Variants in PTPRD observed in about 807,000 individuals in gnomAD.
PTPRD encodes protein tyrosine phosphatase receptor type D, also known as receptor-type tyrosine-protein phosphatase delta.
Under a neutral mutation model 214.5 loss-of-function variants are expected in PTPRD, and 34 were observed. The observed-to-expected ratio is 0.16, with a 90% CI of 0.12 to 0.21. The LOEUF (loss-of-function observed/expected upper bound fraction) is 0.21. Among genes scored for constraint, PTPRD ranks in the 10% least tolerant of loss-of-function variants. PTPRD has a pLI of 1.00. For missense variants in PTPRD, 2,545 were observed against 2,398.7 expected (o/e 1.06, Z -1.27); for synonymous variants, 1,128 against 845.7 (o/e 1.33, Z -5.79).
At chr9:8,568,647 A>T (rs979906468) in intron 14 of PTPRD, among the ~76,000 whole-genome samples, 1 of 152,158 alleles carries the variant, frequency 6.6e-6, no homozygotes, top group African/African-American at 2.4e-5. Context: ...TCACTATTAG[A>T]CAGCCTAGAT....
chr9:10,056,098 G>A (rs1030648478), intron 3 of PTPRD, among the ~76,000 whole-genome samples: 18 of 151,672 alleles, frequency 1.2e-4, no homozygotes, highest in Admixed American at 2.6e-4. Context: ...CGAGGTGAGC[G>A]GACCATGAGG....
At position 8,317,741 on chromosome 9, in the gene PTPRD, G is replaced by A; in HGVS notation, c.*133C>T. 1.5e-6 allele frequency: 1 copy of A among 673,664 alleles called. No homozygotes were observed. The highest frequency in any genetic ancestry group is 2.6e-6 in the Non-Finnish European group (1 of 382,852). 41.7% of individuals were successfully genotyped at this position (673,664 alleles called of 1,614,324 possible). ...GAATAATTTGTTTTTAATTTGTTTT[G>A]TGTGTAATAGTCCCACTAAGTAGTT... On this transcript the variant is annotated 3_prime_UTR_variant, in exon 46 of 46. Transcript: ENST00000381196.
intron 10 of PTPRD, among the ~76,000 whole-genome samples, chr9:9,085,506 A>C (rs2099765772): frequency 6.6e-6 from 1 of 152,130 alleles, no homozygotes. Context: ...ATTTTTCAGG[A>C]AGAATAAGAT....
intron 12 of PTPRD, among the ~76,000 whole-genome samples, chr9:8,667,508 C>T (rs978020264): frequency 6.6e-6 from 1 of 151,908 alleles, no homozygotes; most frequent in Non-Finnish European, 1.5e-5. Context: ...GACATGACAC[C>T]GAAAGTGAAA....
chr9:10,508,327 AAC>A (rs2046774534), intron 2 of PTPRD, among the ~76,000 whole-genome samples: 1 of 152,142 alleles, frequency 6.6e-6, no homozygotes, highest in South Asian at 2.1e-4. Flanking sequence ...GAGAAATAGG[AAC>A]ACTTTTACAC....
intron 36 of PTPRD, among the ~76,000 whole-genome samples, chr9:8,392,700 C>A (rs571762661): frequency 3.3e-5 from 5 of 152,256 alleles, no homozygotes; most frequent in African/African-American, 1.2e-4. Flanking sequence ...AAGCCTCCTT[C>A]TGGCAAATCT....
chr9:9,794,186 CAT>C (rs911684466), intron 5 of PTPRD, among the ~76,000 whole-genome samples: 12 of 146,344 alleles, frequency 8.2e-5, no homozygotes, highest in South Asian at 4.3e-4. Context: ...TGTATATATA[CAT>C]ATGTGTGTGT....
chr9:9,043,767 G>T (rs1454671985), intron 10 of PTPRD, among the ~76,000 whole-genome samples: 1 of 151,940 alleles, frequency 6.6e-6, no homozygotes, highest in Non-Finnish European at 1.5e-5. Flanking sequence ...AGCTGGAGGT[G>T]GTGGTTTGTG....
At chr9:10,276,928 G>A (rs529585023) in intron 3 of PTPRD, among the ~76,000 whole-genome samples, 7 of 152,220 alleles carry the variant, frequency 4.6e-5, no homozygotes, top group Middle Eastern at 3.4e-3. Context: ...AATGTAATGC[G>A]AGAACATATC....
At position 9,574,732 on chromosome 9, in the gene PTPRD, C is replaced by T. The variant is rs185232607; in HGVS notation, c.-237G>A. ...TTAGGTAAATTAATTATAATCTTAC[C>T]GTAAGCTCACAGGTTAGGAATTCGA... On this transcript the variant is annotated splice_region_variant and 5_prime_UTR_variant, in exon 8 of 46. Transcript: ENST00000381196. 5 of 151,730 alleles carry T rather than the reference C, an allele frequency of 3.3e-5. No individual in the cohort carries two copies. Among genetic ancestry groups the T allele is most frequent in the African/African-American group, 9.7e-5 (4 of 41,324 alleles). 9.4% of individuals were successfully genotyped at this position (151,730 alleles called of 1,614,324 possible).
At chr9:8,514,823 TCAAAGAAGGGA>T (rs1178530679) in intron 21 of PTPRD, among the ~76,000 whole-genome samples, 2 of 152,166 alleles carry the variant, frequency 1.3e-5, no homozygotes, top group Non-Finnish European at 2.9e-5. Flanking sequence ...TCCCCATGTG[TCAAAGAAGGGA>T]CCTGGTGGGA....
At chr9:9,671,788 C>T (rs1002821148) in intron 7 of PTPRD, among the ~76,000 whole-genome samples, 2 of 152,160 alleles carry the variant, frequency 1.3e-5, no homozygotes, top group Admixed American at 1.3e-4. Context: ...TCTAAGGCCT[C>T]CCAGCCATGT....
intron 11 of PTPRD, among the ~76,000 whole-genome samples, chr9:8,865,968 T>C (rs1244302899): frequency 6.6e-6 from 1 of 152,210 alleles, no homozygotes; most frequent in Non-Finnish European, 1.5e-5. Context: ...CAAAAGAATT[T>C]GATCAGTTCA....
chr9:10,206,079 T>C (rs2099474635), intron 3 of PTPRD, among the ~76,000 whole-genome samples: 1 of 148,382 alleles, frequency 6.7e-6, no homozygotes, highest in African/African-American at 2.5e-5. Context: ...AGGGAGGGCA[T>C]CACAGAGCGC....
intron 4 of PTPRD, among the ~76,000 whole-genome samples, chr9:10,011,471 G>T (rs893229844): frequency 4.0e-5 from 6 of 151,856 alleles, no homozygotes; most frequent in Admixed American, 1.3e-4. Context: ...GCTGTCGAAT[G>T]CATAAGTATC....
intron 2 of PTPRD, among the ~76,000 whole-genome samples, chr9:10,364,244 G>A (rs373432005): frequency 3.8e-4 from 57 of 151,916 alleles, no homozygotes; most frequent in African/African-American, 1.2e-3. Context: ...CTCGTGATCC[G>A]CCTGTCTTGG....
At chr9:8,719,215 G>A (rs900314345) in intron 12 of PTPRD, among the ~76,000 whole-genome samples, 4 of 152,132 alleles carry the variant, frequency 2.6e-5, no homozygotes, top group Non-Finnish European at 5.9e-5. Context: ...TTTTTCAGGA[G>A]TTTGCAATTT....
intron 4 of PTPRD, among the ~76,000 whole-genome samples, chr9:9,998,693 G>A (rs1365239809): frequency 1.3e-5 from 2 of 152,096 alleles, no homozygotes; most frequent in Non-Finnish European, 2.9e-5. Context: ...AAGTACACAA[G>A]GCAAGATAAG....
chr9:9,869,972 G>A (rs1321507961), intron 5 of PTPRD, among the ~76,000 whole-genome samples: 1 of 151,906 alleles, frequency 6.6e-6, no homozygotes, highest in African/African-American at 2.4e-5. Context: ...TGTAGCATGT[G>A]TATATATGTA....
Sources: gnomAD v4.1 joint callset for allele counts (sites outside exome capture counted in the v4.1 genomes callset) on GRCh38, gnomAD v4.1.1 for gene constraint, MANE v1.5 for transcripts, NCBI Gene and HGNC (gene_info 2026-07-23, HGNC 2026-07-21) for gene names.